The following VIPR1 variants were observed in gnomAD, a reference collection of about 807,000 sequenced individuals.
VIPR1 encodes vasoactive intestinal peptide receptor 1.
A neutral mutation model predicts 58.8 loss-of-function variants in VIPR1; 59 were observed. The ratio of observed to expected loss-of-function variants is 1.00; its 90% CI spans 0.81 to 1.25. VIPR1 has a LOEUF of 1.25. Ranked by LOEUF, VIPR1 falls within the 50% of genes most tolerant of loss-of-function variation. The probability of loss-of-function intolerance (pLI) is 0.00; values close to 1 mark genes in which losing one functional copy is unlikely to be tolerated. For synonymous variants in VIPR1, 251 were observed against 242.1 expected, an observed-to-expected ratio of 1.04 and a Z score of -0.34; for missense variants, 626 against 602.7, an observed-to-expected ratio of 1.04 and a Z score of -0.40.
rs551927364 is a variant in VIPR1, at chr3:42,527,064, G to A, written c.400-329G>A. Among the ~76,000 whole-genome samples, 17 of 152,142 alleles carry A rather than the reference G, an allele frequency of 1.1e-4. No individual in the cohort carries two copies. The South Asian group carries it at 2.1e-3, about 19-fold the overall frequency. The stretch of plus-strand genomic sequence containing the variant: ...TCAGAGCTGGCACAGAAGGGAAGCC[G>A]GGCACATGGCTGGAGACATGAAATT... On this transcript the variant is annotated intron_variant, in intron 4 of 12. Coordinates refer to ENST00000325123, the MANE Select transcript of VIPR1 (RefSeq NM_004624.4).
chr3:42,535,220 G>A (rs1332087203), intron 11 of VIPR1, 116 bp downstream of exon 11: 2 of 1,599,148 alleles, frequency 1.3e-6, no homozygotes, highest in Admixed American at 1.7e-5. Context: ...TATTAGATAA[G>A]CACCTACTTT....
intron 5 of VIPR1, 110 bp downstream of exon 5, chr3:42,527,606 C>T: frequency 9.8e-7 from 1 of 1,015,982 alleles, no homozygotes; most frequent in South Asian, 1.4e-5. Flanking sequence ...TGTTGCCCCC[C>T]AGCAGCACAT....
At chr3:42,531,271 C>T in intron 7 of VIPR1, 200 bp from the exon 8 acceptor site, 1 of 635,812 alleles carries the variant, frequency 1.6e-6, no homozygotes. Context: ...TAGACACAGC[C>T]CTTCAGGCAT....
At chr3:42,523,084 A>AC (rs145372341) in intron 3 of VIPR1, among the ~76,000 whole-genome samples, 19,398 of 144,554 alleles carry the variant, frequency 0.13, 1,693 homozygotes, top group East Asian at 0.33. Flanking sequence ...GCATGCCCTG[A>AC]CCCCGCCCCC....
chr3:42,508,577 A>G (rs532011291), intron 1 of VIPR1, among the ~76,000 whole-genome samples: 5 of 152,304 alleles, frequency 3.3e-5, no homozygotes, highest in African/African-American at 1.2e-4. Context: ...ACTATTATAC[A>G]TTCCCATCAC....
chr3:42,493,040 T>G (rs1202193771), intron 1 of VIPR1, among the ~76,000 whole-genome samples: 1 of 152,262 alleles, frequency 6.6e-6, no homozygotes, highest in Non-Finnish European at 1.5e-5. Flanking sequence ...GAAGTTCTAT[T>G]TTTTGCCAAT....
At chr3:42,526,050 C>G in intron 4 of VIPR1, 57 bp downstream of exon 4, 1 of 1,489,858 alleles carries the variant, frequency 6.7e-7, no homozygotes, top group Non-Finnish European at 9.2e-7. Context: ...ACCTAGGAGA[C>G]TTTGATCTCT....
chr3:42,515,498 G>A (rs1700578421), intron 2 of VIPR1, among the ~76,000 whole-genome samples: 1 of 152,234 alleles, frequency 6.6e-6, no homozygotes, highest in Non-Finnish European at 1.5e-5. Flanking sequence ...CCAGACTCTA[G>A]ACTCCACTGC....
intron 6 of VIPR1, 63 bp from the exon 7 acceptor site, chr3:42,530,716 G>A (rs1440592366): frequency 6.3e-7 from 1 of 1,575,154 alleles, no homozygotes; most frequent in East Asian, 2.3e-5. Flanking sequence ...CCAGACACGA[G>A]TGTGGGCAGT....
chr3:42,489,460 A>T (rs957557930), exon 1 of VIPR1: 1 of 152,274 alleles, frequency 6.6e-6, no homozygotes, highest in Non-Finnish European at 1.5e-5. Context: ...AGAGCGGAGT[A>T]TAAGCCCTAC....
chr3:42,507,956 CAAAAAAAAAA>C (rs58978493), intron 1 of VIPR1: 1 of 109,370 alleles, frequency 9.1e-6, no homozygotes, highest in African/African-American at 3.9e-5. Context: ...GTGAGGCTGG[CAAAAAAAAAA>C]AAAAAAAAGA....
At chr3:42,492,724 A>G (rs1178629288) in intron 1 of VIPR1, among the ~76,000 whole-genome samples, 1 of 152,220 alleles carries the variant, frequency 6.6e-6, no homozygotes, top group Admixed American at 6.5e-5. Context: ...ACCCAGGAGG[A>G]GAAGGGAAGG....
chr3:42,507,681 C>T (rs1300015156), intron 1 of VIPR1, among the ~76,000 whole-genome samples: 1 of 152,148 alleles, frequency 6.6e-6, no homozygotes, highest in African/African-American at 2.4e-5. Context: ...AGCCTGTGTT[C>T]CTCTGCAAAT....
chr3:42,505,674 C>T (rs897555851), intron 1 of VIPR1, among the ~76,000 whole-genome samples: 1 of 152,222 alleles, frequency 6.6e-6, no homozygotes, highest in African/African-American at 2.4e-5. Flanking sequence ...TGCACTAAGA[C>T]TATGCCTTCT....
intron 2 of VIPR1, among the ~76,000 whole-genome samples, chr3:42,515,859 G>A (rs1700598504): frequency 6.6e-6 from 1 of 152,194 alleles, no homozygotes; most frequent in South Asian, 2.1e-4. Flanking sequence ...TCTGCCCAGT[G>A]TGCTGTGTCT....
intron 2 of VIPR1, among the ~76,000 whole-genome samples, chr3:42,515,461 G>A (rs1700576926): frequency 6.6e-6 from 1 of 152,224 alleles, no homozygotes; most frequent in African/African-American, 2.4e-5. Context: ...GGCCCCAGCG[G>A]TGGGATCATA....
intron 1 of VIPR1, chr3:42,512,708 C>T (rs947038497): frequency 2.0e-6 from 2 of 982,280 alleles, no homozygotes; most frequent in Non-Finnish European, 2.4e-6. Context: ...TCTTGCTGGA[C>T]TCTCTTCTAT....
chr3:42,497,728 C>T (rs1699793483), upstream of VIPR1, among the ~76,000 whole-genome samples: 1 of 152,224 alleles, frequency 6.6e-6, no homozygotes, highest in Non-Finnish European at 1.5e-5. Flanking sequence ...GAATAACTCT[C>T]ATGAGATCTG....
chr3:42,524,270 C>T (rs1701114405), intron 3 of VIPR1, among the ~76,000 whole-genome samples: 1 of 152,226 alleles, frequency 6.6e-6, no homozygotes, highest in Admixed American at 6.5e-5. Flanking sequence ...GGGCTGAAGG[C>T]TCTGGGCCAG....
Sources: gnomAD v4.1 joint callset for allele counts (sites outside exome capture counted in the v4.1 genomes callset) on GRCh38, gnomAD v4.1.1 for gene constraint, MANE v1.5 for transcripts, NCBI Gene and HGNC (gene_info 2026-07-23, HGNC 2026-07-21) for gene names.